Variants in MDFIC observed in about 807,000 individuals in gnomAD.
MDFIC encodes the protein MyoD family inhibitor domain containing.
In MDFIC, 17 loss-of-function variants were observed where a neutral mutation model predicts 23.2. The observed-to-expected ratio is 0.73, with a 90% CI of 0.50 to 1.10. The LOEUF (loss-of-function observed/expected upper bound fraction) is 1.10. Ranked by LOEUF, MDFIC falls within the 50% of genes least tolerant of loss-of-function variation. The pLI is 0.00. For missense variants in MDFIC, 356 were observed against 316.6 expected (o/e 1.12, Z -0.95); for synonymous variants, 120 against 115.2 (o/e 1.04, Z -0.27).
rs1366559135 is a variant in MDFIC at position 115,019,670 on chromosome 7, G to A, written c.*3735G>A. Among the ~76,000 whole-genome samples, 3 of 152,096 alleles carry A rather than the reference G, an allele frequency of 2.0e-5. No homozygotes were observed. Among genetic ancestry groups the A allele is most frequent in the African/African-American group, 4.8e-5 (2 of 41,440 alleles). On this transcript the variant is annotated 3_prime_UTR_variant, in exon 5 of 5. Transcript: ENST00000393486. ...CCAATTACTTGTGATTTGTAGGCCT[G>A]TAGGATTGTTGCATCTAATCTGACT... is the stretch of plus-strand genomic sequence containing the variant.
chr7:114,996,602 G>A lies in MDFIC; in HGVS notation c.493+16821G>A, dbSNP rs149509506. Among the ~76,000 whole-genome samples, 974 of 152,310 alleles carry A rather than the reference G, an allele frequency of 6.4e-3. 5 individuals are homozygous for A. The highest frequency in any genetic ancestry group is 0.012 in the Non-Finnish European group (787 of 68,028). On this transcript the variant is annotated intron_variant, in intron 4 of 4. Transcript: ENST00000393486. ...AGGTCTGCAGCTTGAGATATGTTTT[G>A]TGAGTTTTCAAGGTGCAGAATGTAT... is the stretch of plus-strand genomic sequence containing the variant.
rs764043251 is a variant in MDFIC at position 114,979,546 on chromosome 7, G to A, written c.258G>A (p.Gln86=). The A allele has an allele frequency of 1.9e-6, 3 of 1,613,826 alleles. No individual in the cohort carries two copies. Among genetic ancestry groups the A allele is most frequent in the Admixed American group, 3.3e-5 (2 of 59,976 alleles). ...QRLPQLQTSA[Q]VPSGEEIGKI... is the part of the protein sequence containing the mutation. ...TGCCTCAGCTTCAGACTTCAGCCCA[G>A]GTGCCAAGTGGTGAGGAAATAGGCA... Residue 86 remains glutamine, a synonymous_variant, in exon 4 of 5, where the codon CAG becomes CAA. Coordinates refer to ENST00000393486, the MANE Select transcript of MDFIC (RefSeq NM_001166345.3).
intron 2 of MDFIC, among the ~76,000 whole-genome samples, chr7:114,926,630 C>G (rs1039371876): frequency 5.9e-5 from 9 of 152,116 alleles, no homozygotes; most frequent in Non-Finnish European, 1.2e-4. Context: ...CCTCTTGAGA[C>G]TATTAGGCGG....
intron 4 of MDFIC, among the ~76,000 whole-genome samples, chr7:115,010,495 T>C (rs1398887984): frequency 6.6e-6 from 1 of 152,236 alleles, no homozygotes; most frequent in East Asian, 1.9e-4. Context: ...GATATTTCTC[T>C]ATTTAAAAAA....
At chr7:114,945,418 C>T (rs1332639495) in intron 3 of MDFIC, among the ~76,000 whole-genome samples, 2 of 152,042 alleles carry the variant, frequency 1.3e-5, no homozygotes, top group East Asian at 1.9e-4. Flanking sequence ...GGACTACCTG[C>T]TTGAACTCAT....
At chr7:114,951,066 G>T (rs1447457888) in intron 3 of MDFIC, among the ~76,000 whole-genome samples, 1 of 152,140 alleles carries the variant, frequency 6.6e-6, no homozygotes, top group Non-Finnish European at 1.5e-5. Flanking sequence ...CCTGCCTGTA[G>T]TCCCAGTTAC....
chr7:114,983,561 T>C, intron 4 of MDFIC, among the ~76,000 whole-genome samples: 1 of 110,488 alleles, frequency 9.1e-6, no homozygotes, highest in East Asian at 2.4e-4. Context: ...CTTCATCAGG[T>C]ACTTTTTTTT....
intron 2 of MDFIC, among the ~76,000 whole-genome samples, chr7:114,925,277 C>A (rs933367059): frequency 4.6e-5 from 7 of 152,000 alleles, no homozygotes; most frequent in African/African-American, 1.7e-4. Context: ...ATACTGTTAA[C>A]CAAAGGCATG....
At chr7:115,000,489 C>A (rs567979060) in intron 4 of MDFIC, among the ~76,000 whole-genome samples, 1 of 152,146 alleles carries the variant, frequency 6.6e-6, no homozygotes, top group Non-Finnish European at 1.5e-5. Flanking sequence ...ACTAAAAATG[C>A]CTGCTCTTGT....
At chr7:114,994,640 T>G (rs1317985853) in intron 4 of MDFIC, among the ~76,000 whole-genome samples, 2 of 152,220 alleles carry the variant, frequency 1.3e-5, no homozygotes, top group Non-Finnish European at 2.9e-5. Flanking sequence ...AAATTCTGGG[T>G]TGAAAATTCT....
At chr7:114,939,871 G>A (rs1160718005) in intron 2 of MDFIC, among the ~76,000 whole-genome samples, 1 of 152,122 alleles carries the variant, frequency 6.6e-6, no homozygotes, top group African/African-American at 2.4e-5. Context: ...GTTACTAATT[G>A]AATCAAGCCT....
chr7:114,922,189 C>T lies in MDFIC; in HGVS notation c.-555C>T. The stretch of plus-strand genomic sequence containing the variant: ...CTCTGGCCTCCTGACCCAGACAGCG[C>T]AGGGCGCGAGGGATCGCGCGGCCGA... On this transcript the variant is annotated 5_prime_UTR_variant, in exon 1 of 5. Coordinates refer to ENST00000393486, the MANE Select transcript of MDFIC (RefSeq NM_001166345.3). 1 of 402,980 alleles carries T rather than the reference C, an allele frequency of 2.5e-6. No homozygotes were observed. Among genetic ancestry groups the T allele is most frequent in the Non-Finnish European group, 4.3e-6 (1 of 234,986 alleles). The allele number at this position is 402,980 out of a possible 1,614,324, so 25.0% of individuals were successfully genotyped here. A position where few individuals can be genotyped will look rare whatever the true frequency, so the allele number is the denominator to read the frequency against.
In MDFIC at chr7:114,922,313, T is replaced by G; in HGVS notation, c.-431T>G. 1 of 955,106 alleles carries G rather than the reference T, an allele frequency of 1.0e-6. No individual in the cohort carries two copies. Among genetic ancestry groups the G allele is most frequent in the Non-Finnish European group, 1.4e-6 (1 of 735,950 alleles). 59.2% of individuals were successfully genotyped at this position (955,106 alleles called of 1,614,324 possible). A position where few individuals can be genotyped will look rare whatever the true frequency, so the allele number is the denominator to read the frequency against. ...AAAAAGAGCAACAGAGGGAGAAGTG[T>G]TTCAGGATTGTAGGAGTGGAAGAGG... On this transcript the variant is annotated 5_prime_UTR_variant, in exon 1 of 5. Transcript: ENST00000393486.
chr7:114,928,324 C>A (rs10262081), intron 2 of MDFIC, among the ~76,000 whole-genome samples: 126,282 of 151,954 alleles, frequency 0.83, 54,334 homozygotes, highest in East Asian at 1. Context: ...AAAAGGTCTA[C>A]GGAATAGCAT....
chr7:114,989,088 G>GGAGA (rs1364816671), intron 4 of MDFIC, among the ~76,000 whole-genome samples: 2 of 152,100 alleles, frequency 1.3e-5, no homozygotes, highest in East Asian at 3.9e-4. Context: ...ATAGCCTAGA[G>GGAGA]GAGAGGTCAC....
chr7:114,987,722 C>G (rs1793538230), intron 4 of MDFIC, among the ~76,000 whole-genome samples: 1 of 152,060 alleles, frequency 6.6e-6, no homozygotes, highest in African/African-American at 2.4e-5. Context: ...TCAGAGTTGA[C>G]TATATCAAAG....
At chr7:115,004,295 T>A (rs1791524977) in intron 4 of MDFIC, among the ~76,000 whole-genome samples, 2 of 152,142 alleles carry the variant, frequency 1.3e-5, no homozygotes, top group African/African-American at 2.4e-5. Context: ...CCTTGCTCAT[T>A]ATTTACTCCA....
At chr7:115,004,847 C>T (rs773437695) in intron 4 of MDFIC, among the ~76,000 whole-genome samples, 4 of 152,074 alleles carry the variant, frequency 2.6e-5, no homozygotes, top group Non-Finnish European at 5.9e-5. Context: ...GACCATTGGC[C>T]ATTATTTATA....
At position 115,005,536 on chromosome 7, in the gene MDFIC, A is replaced by G. The variant is rs143175607; in HGVS notation, c.494-10152A>G. On this transcript the variant is annotated intron_variant, in intron 4 of 4. Transcript: ENST00000393486. ...AGTTGGGGAGTGGCTCAGACGAAACACAGGGAATTGGGAAGCACCTCAGGA... is the reference window on the plus strand; with the variant it reads ...AGTTGGGGAGTGGCTCAGACGAAACGCAGGGAATTGGGAAGCACCTCAGGA... 8.9e-3 allele frequency among the ~76,000 whole-genome samples: 1,362 copies of G among 152,316 alleles called. 6 individuals carry two copies. The highest frequency in any genetic ancestry group is 0.015 in the Non-Finnish European group (1,035 of 68,020).
Sources: allele counts gnomAD v4.1 joint callset (sites outside exome capture counted in the v4.1 genomes callset), GRCh38; gene constraint gnomAD v4.1.1; transcripts MANE v1.5; gene names NCBI Gene and HGNC (gene_info 2026-07-23, HGNC 2026-07-21).